Variants in AP2A2 observed in about 807,000 individuals in gnomAD.
The protein encoded by AP2A2 is AP-2 complex subunit alpha-2.
Under a neutral mutation model 104.2 loss-of-function variants are expected in AP2A2, and 32 were observed. The ratio of observed to expected loss-of-function variants is 0.31; its 90% CI spans 0.23 to 0.41. AP2A2 has a LOEUF of 0.41. AP2A2 is among the 10% of genes least tolerant of loss of function. The pLI is 1.00. For synonymous variants in AP2A2, 539 were observed against 533.3 expected (o/e 1.01, Z -0.15); for missense variants, 912 against 1,261.0 (o/e 0.72, Z 4.19).
chr11:993,250 G>A lies in AP2A2; in HGVS notation c.1453-34G>A. On this transcript the variant is annotated intron_variant, in intron 11 of 21. Transcript: ENST00000448903. The surrounding 1 kb of genome is among the most constrained non-coding windows in gnomAD (Gnocchi z 8.2). The stretch of plus-strand genomic sequence containing the variant: ...CGCCTCGCCTTAACTCTGGCACCTG[G>A]CTGCCACCCCGGCTCATTGTTTGTG... 1 of 1,566,926 alleles carries A rather than the reference G, an allele frequency of 6.4e-7. No individual in the cohort carries two copies. The highest frequency in any genetic ancestry group is 8.6e-7 in the Non-Finnish European group (1 of 1,156,164).
chr11:929,815 T>C (rs536522902), intron 1 of AP2A2, among the ~76,000 whole-genome samples: 1 of 149,934 alleles, frequency 6.7e-6, no homozygotes, highest in Non-Finnish European at 1.5e-5. Flanking sequence ...AAAAAAAAAG[T>C]TTTTCCCCTC....
chr11:1,010,688 C>G lies in AP2A2; in HGVS notation c.*63C>G, dbSNP rs181165842. On this transcript the variant is annotated 3_prime_UTR_variant, in exon 22 of 22. Coordinates refer to ENST00000448903, the MANE Select transcript of AP2A2 (RefSeq NM_012305.4). ...TGTCTTCGTCTGTGCCGTTTGTCTTCGTGGCCATCCTGCAGATGAGCACCG... is the reference window on the plus strand; with the variant it reads ...TGTCTTCGTCTGTGCCGTTTGTCTTGGTGGCCATCCTGCAGATGAGCACCG... The G allele has an allele frequency of 2.9e-5, 40 of 1,402,358 alleles. No individual in the cohort carries two copies. The highest frequency in any genetic ancestry group is 3.7e-5 in the Non-Finnish European group (37 of 1,010,954). The allele number at this position is 1,402,358 out of a possible 1,614,324, so 86.9% of individuals were successfully genotyped here.
chr11:986,666 C>T (rs987234159), intron 8 of AP2A2, 119 bp from the exon 9 acceptor site: 52 of 1,235,590 alleles, frequency 4.2e-5, no homozygotes, highest in Middle Eastern at 2.8e-4. Context: ...AGTGTGGTGG[C>T]GGTGAGTGCC....
At chr11:1,001,129 T>A (rs561772940) in intron 15 of AP2A2, among the ~76,000 whole-genome samples, 1 of 152,204 alleles carries the variant, frequency 6.6e-6, no homozygotes, top group Admixed American at 6.5e-5. Context: ...GAGGGCAGCC[T>A]GTCTTTGCTG....
At position 988,626 on chromosome 11, in the gene AP2A2, A is replaced by G. The variant is rs762196661; in HGVS notation, c.1206A>G (p.Pro402=). The change falls in exon 10 of 22, where the codon CCA becomes CCG. Residue 402 remains proline (P), a synonymous_variant. Coordinates refer to ENST00000448903, the MANE Select transcript of AP2A2 (RefSeq NM_012305.4). ...LYAMCDRSNA[P]QIVAEMLSYL... ...CCATGTGCGACCGCAGCAACGCCCCACAGATCGTGGCCGAGATGCTGAGCT... is the reference window on the plus strand; with the variant it reads ...CCATGTGCGACCGCAGCAACGCCCCGCAGATCGTGGCCGAGATGCTGAGCT... The G allele has an allele frequency of 6.9e-5, 112 of 1,613,554 alleles. No individual in the cohort carries two copies. Among genetic ancestry groups the G allele is most frequent in the Non-Finnish European group, 8.4e-5 (99 of 1,179,898 alleles).
At chr11:930,161 T>C (rs1245877378) in intron 1 of AP2A2, among the ~76,000 whole-genome samples, 3 of 149,638 alleles carry the variant, frequency 2.0e-5, no homozygotes, top group African/African-American at 7.4e-5. Flanking sequence ...GCCAAGTATC[T>C]GAGGTAGCGG....
At position 986,441 on chromosome 11, in the gene AP2A2, G is replaced by T. The variant is rs141372668; in HGVS notation, c.963-344G>T. Among the ~76,000 whole-genome samples, 33 of 152,332 alleles carry T rather than the reference G, an allele frequency of 2.2e-4. No homozygotes were observed. The East Asian group carries it at 6.4e-3, about 29-fold the overall frequency. ...TCGGCCTTCTCCCTGCCCTGGGCTG[G>T]TGCCTCTGGCTGAGACCCCATTGCC... On this transcript the variant is annotated intron_variant, in intron 8 of 21. Transcript: ENST00000448903.
intron 1 of AP2A2, among the ~76,000 whole-genome samples, chr11:944,185 A>G (rs1286883050): frequency 2.0e-5 from 3 of 152,236 alleles, no homozygotes; most frequent in African/African-American, 7.2e-5. Context: ...AGGATGCTGT[A>G]GAGACTGACA....
chr11:981,218 A>G lies in AP2A2; in HGVS notation c.624A>G (p.Thr208=), dbSNP rs1419281248. The G allele has an allele frequency of 6.2e-7, 1 of 1,613,254 alleles. No homozygotes were observed. Among genetic ancestry groups the G allele is most frequent in the South Asian group, 1.1e-5 (1 of 90,800 alleles). The change falls in exon 6 of 22, where the codon ACA becomes ACG. Residue 208 remains threonine (T), a synonymous_variant. Coordinates refer to ENST00000448903, the MANE Select transcript of AP2A2 (RefSeq NM_012305.4). Reference sequence around the variant, plus strand: ...TTCAGGGTGTGGTAACTGCAGCCACAAGTCTGATCACCACTTTAGCACAGA... The same window carrying G: ...TTCAGGGTGTGGTAACTGCAGCCACGAGTCTGATCACCACTTTAGCACAGA... ...DQHLGVVTAA[T]SLITTLAQKN...
intron 1 of AP2A2, among the ~76,000 whole-genome samples, chr11:950,124 G>A (rs984279498): frequency 1.3e-5 from 2 of 152,100 alleles, no homozygotes; most frequent in African/African-American, 4.8e-5. Context: ...AATGGTGGGG[G>A]AAAAGAATAG....
chr11:932,641 GA>G (rs1853327454), intron 1 of AP2A2: 1 of 453,744 alleles, frequency 2.2e-6, no homozygotes, highest in South Asian at 1.6e-5. Context: ...ACCAGTTTAG[GA>G]AATGTGTCAT....
intron 1 of AP2A2, among the ~76,000 whole-genome samples, chr11:927,495 C>T (rs1196002958): frequency 2.0e-5 from 3 of 149,278 alleles, no homozygotes; most frequent in African/African-American, 5.0e-5. Flanking sequence ...CCATCTAACC[C>T]TTCCTGTACT....
rs780790247 is a variant in AP2A2, at chr11:1,011,210, T to C, written c.*585T>C. The C allele has an allele frequency of 3.8e-6, 2 of 520,454 alleles. No homozygotes were observed. 32.2% of individuals were successfully genotyped at this position (520,454 alleles called of 1,614,324 possible). ...TAATGACTTCTGGCAAAAGCACGTG[T>C]CCTGGCCGGATGTAACTGTTCTCCT... On this transcript the variant is annotated 3_prime_UTR_variant, in exon 22 of 22. Coordinates refer to ENST00000448903, the MANE Select transcript of AP2A2 (RefSeq NM_012305.4).
intron 2 of AP2A2, among the ~76,000 whole-genome samples, chr11:964,806 AAAT>A (rs1564796914): frequency 0.028 from 3,804 of 135,442 alleles, 141 homozygotes; most frequent in Middle Eastern, 0.033. Context: ...GGAAGCGTGG[AAAT>A]GGAAAGCATG....
chr11:967,270 A>G (rs1564798143), intron 2 of AP2A2, among the ~76,000 whole-genome samples: 1 of 152,218 alleles, frequency 6.6e-6, no homozygotes, highest in African/African-American at 2.4e-5. Context: ...TGAGTCAGTG[A>G]AAGATGGTGC....
At chr11:1,001,860 CA>C (rs1452566638) in intron 15 of AP2A2, among the ~76,000 whole-genome samples, 1 of 152,212 alleles carries the variant, frequency 6.6e-6, no homozygotes, top group East Asian at 1.9e-4. Context: ...GCGCTGTCTG[CA>C]GCTGGCCAGG....
At chr11:982,277 C>G (rs1385569993) in intron 6 of AP2A2, among the ~76,000 whole-genome samples, 1 of 152,198 alleles carries the variant, frequency 6.6e-6, no homozygotes, top group African/African-American at 2.4e-5. Flanking sequence ...TCTTGAACTC[C>G]TGACCTCAAG....
At chr11:932,180 T>G (rs769785538) in intron 1 of AP2A2, among the ~76,000 whole-genome samples, 1 of 152,214 alleles carries the variant, frequency 6.6e-6, no homozygotes, top group African/African-American at 2.4e-5. Context: ...CTCGAACTCT[T>G]GGCCTCAAGT....
Position 968,862 on chromosome 11 carries a change from G to A in AP2A2, c.137-1307G>A, listed in dbSNP as rs907337474. Among the ~76,000 whole-genome samples the A allele has an allele frequency of 3.9e-5, 6 of 152,146 alleles. No individual in the cohort carries two copies. Among genetic ancestry groups the A allele is most frequent in the Admixed American group, 2.0e-4 (3 of 15,278 alleles). On this transcript the variant is annotated intron_variant, in intron 2 of 21. Coordinates refer to ENST00000448903, the MANE Select transcript of AP2A2 (RefSeq NM_012305.4). This position sits in a 1 kb window ranked among gnomAD's most constrained non-coding sequence, Gnocchi z 4.2. ...GTCTTTTAAATTATGTTAATTTGCC[G>A]CTGACAAGGAGGGGGGTTTCTCATG...
Sources: gnomAD v4.1 joint callset for allele counts (sites outside exome capture counted in the v4.1 genomes callset) on GRCh38, gnomAD v4.1.1 for gene constraint, Gnocchi (gnomAD v3.1) non-coding constraint, MANE v1.5 for transcripts, NCBI Gene and HGNC (gene_info 2026-07-23, HGNC 2026-07-21) for gene names.